MAP3K13: variants seen among roughly 807,000 people sequenced by gnomAD.
The protein encoded by MAP3K13 is mitogen-activated protein kinase kinase kinase 13.
In MAP3K13, 52 loss-of-function variants were observed where a neutral mutation model predicts 104.0. The observed-to-expected ratio is 0.50, with a 90% CI of 0.40 to 0.63. The LOEUF is 0.63. Among genes scored for constraint, MAP3K13 ranks in the 20% least tolerant of loss-of-function variants. MAP3K13 has a pLI of 0.00. For synonymous variants in MAP3K13, 394 were observed against 442.2 expected (o/e 0.89, Z 1.37); for missense variants, 914 against 1,218.5 (o/e 0.75, Z 3.72).
intron 2 of MAP3K13, among the ~76,000 whole-genome samples, chr3:185,338,327 C>CA (rs72043151): frequency 0.034 from 1,837 of 54,172 alleles, 31 homozygotes; most frequent in Middle Eastern, 0.062. Context: ...GAGACTCTCT[C>CA]AAAAAAAAAA....
intron 12 of MAP3K13, 88 bp downstream of exon 12, chr3:185,477,484 GATTCCC>G: frequency 2.1e-6 from 2 of 949,548 alleles, no homozygotes; most frequent in Non-Finnish European, 1.7e-6. Flanking sequence ...AACCACAGGT[GATTCCC>G]TGGCAGCCAC....
chr3:185,353,882 T>G (rs1173840317), intron 2 of MAP3K13, among the ~76,000 whole-genome samples: 1 of 152,058 alleles, frequency 6.6e-6, no homozygotes, highest in African/African-American at 2.4e-5. Context: ...AAACTGACCA[T>G]AACCACACCC....
intron 2 of MAP3K13, among the ~76,000 whole-genome samples, chr3:185,429,525 G>T (rs2108802902): frequency 6.6e-6 from 1 of 152,306 alleles, no homozygotes; most frequent in Admixed American, 6.5e-5. Context: ...AGCTGAGGCA[G>T]GAGGATTACT....
intron 10 of MAP3K13, among the ~76,000 whole-genome samples, chr3:185,467,304 A>G (rs1276646456): frequency 6.6e-6 from 1 of 152,244 alleles, no homozygotes; most frequent in Non-Finnish European, 1.5e-5. Context: ...TGGTACAATT[A>G]CAGCACATGA....
At chr3:185,478,871 CAAAAAAA>C (rs557343014) in intron 12 of MAP3K13, among the ~76,000 whole-genome samples, 8 of 68,936 alleles carry the variant, frequency 1.2e-4, no homozygotes, top group African/African-American at 1.7e-4. Flanking sequence ...GACTCTGTCT[CAAAAAAA>C]AAAAAAGAAA....
chr3:185,404,361 T>A (rs1577515752), intron 1 of MAP3K13, among the ~76,000 whole-genome samples: 1 of 152,216 alleles, frequency 6.6e-6, no homozygotes, highest in East Asian at 1.9e-4. Context: ...TGGTCCCCAC[T>A]GCCAGTGAAG....
chr3:185,448,476 T>G (rs1715711694), intron 5 of MAP3K13, among the ~76,000 whole-genome samples: 1 of 152,232 alleles, frequency 6.6e-6, no homozygotes, highest in Non-Finnish European at 1.5e-5. Context: ...TCTGAGGTTA[T>G]AAGTCTTTTC....
rs1173113366 is a variant in MAP3K13 at position 185,487,330 on chromosome 3, ATTT to A, written c.*4888_*4890del. ...CAGGTGTGTGCCACCATGCACAACA[ATTT>A]TTTTTTTTTTTTTGTAGAGATGGGC... On this transcript the variant is annotated 3_prime_UTR_variant, in exon 14 of 14. Coordinates refer to ENST00000265026, the MANE Select transcript of MAP3K13 (RefSeq NM_004721.5). The A allele has an allele frequency of 2.1e-5, 3 of 141,752 alleles. No homozygotes were observed. The highest frequency in any genetic ancestry group is 2.6e-5 in the African/African-American group (1 of 38,552). 8.8% of individuals were successfully genotyped at this position (141,752 alleles called of 1,614,324 possible). A position where few individuals can be genotyped will look rare whatever the true frequency, so the allele number is the denominator to read the frequency against.
Position 185,335,218 on chromosome 3 carries a change from C to T in MAP3K13, c.-86+49575C>T, listed in dbSNP as rs9875189. 5.8e-3 allele frequency among the ~76,000 whole-genome samples: 878 copies of T among 152,116 alleles called. 7 individuals carry two copies. Among genetic ancestry groups the T allele is most frequent in the African/African-American group, 0.019 (785 of 41,522 alleles). ...TGCAGCATTTTCTAAAGTGTTTGAT[C>T]ACAGAATCCTTTATTCATCTGGAAC... is the stretch of plus-strand genomic sequence containing the variant. On this transcript the variant is annotated intron_variant, in intron 2 of 14. Coordinates refer to the MAP3K13 transcript ENST00000424227.
chr3:185,451,156 A>G, intron 6 of MAP3K13, 131 bp from the exon 7 acceptor site: 1 of 610,016 alleles, frequency 1.6e-6, no homozygotes, highest in Non-Finnish European at 2.9e-6. Context: ...ATCCTGATAT[A>G]ATGGAGTACA....
chr3:185,310,175 T>C (rs1468414751), intron 2 of MAP3K13, among the ~76,000 whole-genome samples: 1 of 152,024 alleles, frequency 6.6e-6, no homozygotes, highest in East Asian at 1.9e-4. Flanking sequence ...TAGAGGAAGG[T>C]GCACAGAAGG....
intron 2 of MAP3K13, among the ~76,000 whole-genome samples, chr3:185,338,327 C>CAAA (rs72043151): frequency 1.8e-5 from 1 of 54,688 alleles, no homozygotes; most frequent in Non-Finnish European, 4.1e-5. Flanking sequence ...GAGACTCTCT[C>CAAA]AAAAAAAAAA....
At chr3:185,353,547 A>T (rs1349626383) in intron 2 of MAP3K13, among the ~76,000 whole-genome samples, 1 of 152,190 alleles carries the variant, frequency 6.6e-6, no homozygotes, top group African/African-American at 2.4e-5. Context: ...TTTAGGCCAA[A>T]CTTAAATACA....
intron 7 of MAP3K13, among the ~76,000 whole-genome samples, chr3:185,454,601 TGA>T (rs750755528): frequency 0.21 from 3,931 of 18,536 alleles, 1,508 homozygotes; most frequent in Non-Finnish European, 0.44. Flanking sequence ...TAGATATATA[TGA>T]GATATATATG....
At chr3:185,379,508 C>A (rs1339239579) in intron 1 of MAP3K13, among the ~76,000 whole-genome samples, 1 of 152,078 alleles carries the variant, frequency 6.6e-6, no homozygotes, top group Non-Finnish European at 1.5e-5. Flanking sequence ...TCTGAGGACC[C>A]GAGGTTGTAG....
upstream of MAP3K13, among the ~76,000 whole-genome samples, chr3:185,362,794 G>A (rs769927190): frequency 2.0e-5 from 3 of 152,268 alleles, no homozygotes; most frequent in South Asian, 6.2e-4. Flanking sequence ...GAAAAGGGTT[G>A]AAGAAAAGAG....
intron 1 of MAP3K13, among the ~76,000 whole-genome samples, chr3:185,379,391 T>C (rs1724595555): frequency 6.6e-6 from 1 of 152,092 alleles, no homozygotes; most frequent in South Asian, 2.1e-4. Context: ...GGCTCCAAGA[T>C]TGAAAGGAGA....
rs1577621973 is a variant in MAP3K13, at chr3:185,473,918, C to T, written c.2430+157C>T. Among the ~76,000 whole-genome samples the T allele has an allele frequency of 6.6e-6, 1 of 152,308 alleles. No individual in the cohort carries two copies. The highest frequency in any genetic ancestry group is 1.5e-5 in the Non-Finnish European group (1 of 68,032). ...ATAGAAATTTATTTTACTTTAAATTCGTTCTTTCCACACTGTTTAAGTGAT... is the reference window on the plus strand; with the variant it reads ...ATAGAAATTTATTTTACTTTAAATTTGTTCTTTCCACACTGTTTAAGTGAT... On this transcript the variant is annotated intron_variant, in intron 11 of 13. Coordinates refer to ENST00000265026, the MANE Select transcript of MAP3K13 (RefSeq NM_004721.5). This position sits in a 1 kb window ranked among gnomAD's most constrained non-coding sequence, Gnocchi z 4.9.
chr3:185,434,673 A>G (rs1714924097), intron 2 of MAP3K13, among the ~76,000 whole-genome samples: 1 of 152,164 alleles, frequency 6.6e-6, no homozygotes, highest in South Asian at 2.1e-4. Context: ...CATGAACACA[A>G]ACTAGGAGGG....
Sources: gnomAD v4.1 joint callset for allele counts (sites outside exome capture counted in the v4.1 genomes callset) on GRCh38, gnomAD v4.1.1 for gene constraint, Gnocchi (gnomAD v3.1) non-coding constraint, MANE v1.5 for transcripts, NCBI Gene and HGNC (gene_info 2026-07-23, HGNC 2026-07-21) for gene names.